The following KIF3C variants were observed in gnomAD, a reference collection of about 807,000 sequenced individuals.
KIF3C encodes kinesin-like protein KIF3C.
KIF3C carries 12 observed loss-of-function variants against 67.7 expected under a neutral mutation model. The observed-to-expected ratio is 0.18, with a 90% confidence interval of 0.11 to 0.29. The LOEUF (loss-of-function observed/expected upper bound fraction) is 0.29. Ranked by LOEUF, KIF3C falls within the 10% of genes least tolerant of loss-of-function variation. The pLI, the probability that KIF3C is intolerant of heterozygous loss-of-function variation, is 1.00. For synonymous variants in KIF3C, 393 were observed against 426.2 expected (o/e 0.92, Z 0.96); for missense variants, 789 against 1,059.6 (o/e 0.74, Z 3.55).
chr2:25,956,200 G>C (rs1172638511), intron 2 of KIF3C, 143 bp downstream of exon 2: 3 of 674,940 alleles, frequency 4.4e-6, no homozygotes, highest in East Asian at 2.7e-5. Flanking sequence ...TAGTAGACCT[G>C]TGGGACCCAG....
intron 5 of KIF3C, among the ~76,000 whole-genome samples, chr2:25,936,379 A>G (rs113900483): frequency 7.8e-4 from 118 of 152,234 alleles, no homozygotes; most frequent in Middle Eastern, 3.4e-3. Context: ...CTGCTTAGGA[A>G]AAAGTCTAGA....
intron 1 of KIF3C, among the ~76,000 whole-genome samples, chr2:25,957,191 G>A (rs993863491): frequency 2.0e-5 from 3 of 152,164 alleles, no homozygotes; most frequent in Admixed American, 2.0e-4. Context: ...CCCCCCCTAA[G>A]AGGGACTATT....
At chr2:25,970,320 G>A (rs919313200) in intron 1 of KIF3C, among the ~76,000 whole-genome samples, 3 of 152,162 alleles carry the variant, frequency 2.0e-5, no homozygotes, top group Admixed American at 2.0e-4. Context: ...CTAGTCAGAT[G>A]AAGATTCACG....
chr2:25,950,727 T>G (rs921416135), intron 5 of KIF3C, among the ~76,000 whole-genome samples: 2 of 152,094 alleles, frequency 1.3e-5, no homozygotes, highest in Non-Finnish European at 2.9e-5. Flanking sequence ...ACAGCTGATG[T>G]ACTATTGAGA....
At chr2:25,971,265 C>CT (rs1224610454) in intron 1 of KIF3C, among the ~76,000 whole-genome samples, 3 of 135,674 alleles carry the variant, frequency 2.2e-5, no homozygotes, top group Admixed American at 1.5e-4. Flanking sequence ...GAGCAAGACT[C>CT]TGTCTCAAAA....
At chr2:25,963,073 TACAC>T (rs1363007063) in intron 1 of KIF3C, among the ~76,000 whole-genome samples, 2 of 93,720 alleles carry the variant, frequency 2.1e-5, no homozygotes, top group African/African-American at 8.2e-5. Flanking sequence ...TATACACACA[TACAC>T]ACACATATAT....
chr2:25,958,813 G>A lies in KIF3C; in HGVS notation c.1546-2369C>T, dbSNP rs934015526. On this transcript the variant is annotated intron_variant, in intron 1 of 7. Transcript: ENST00000264712. The surrounding 1 kb of genome is among the most constrained non-coding windows in gnomAD (Gnocchi z 4.5). ...CTGGGGGCCCGGTGCGGTGGCTAGC[G>A]CCTGTAATCCCGGCACTTTGGGAGG... Among the ~76,000 whole-genome samples, 3 of 152,084 alleles carry A rather than the reference G, an allele frequency of 2.0e-5. No individual in the cohort carries two copies. Among genetic ancestry groups the A allele is most frequent in the African/African-American group, 7.2e-5 (3 of 41,444 alleles).
intron 1 of KIF3C, among the ~76,000 whole-genome samples, chr2:25,969,112 C>A (rs991294871): frequency 9.9e-5 from 15 of 152,206 alleles, no homozygotes; most frequent in Admixed American, 9.8e-4. Flanking sequence ...GCGTGAGCCA[C>A]CGCGTCCGGT....
At chr2:25,949,430 GA>G (rs527501654) in intron 5 of KIF3C, among the ~76,000 whole-genome samples, 2 of 150,824 alleles carry the variant, frequency 1.3e-5, no homozygotes, top group Admixed American at 6.6e-5. Flanking sequence ...CAAAAAAAAA[GA>G]AAAAAAAATT....
intron 1 of KIF3C, among the ~76,000 whole-genome samples, chr2:25,978,151 G>A (rs1467026783): frequency 6.6e-6 from 1 of 152,120 alleles, no homozygotes; most frequent in African/African-American, 2.4e-5. Context: ...AGATGCCTTG[G>A]AAAGAGCACA....
intron 4 of KIF3C, among the ~76,000 whole-genome samples, chr2:25,952,555 A>ATATATATATATT (rs1663648485): frequency 1.1e-5 from 1 of 92,066 alleles, no homozygotes; most frequent in Non-Finnish European, 2.0e-5. Flanking sequence ...GTGTGTATAT[A>ATATATATATATT]TATATATATT....
intron 5 of KIF3C, among the ~76,000 whole-genome samples, chr2:25,942,929 T>C (rs1291716118): frequency 6.6e-6 from 1 of 152,166 alleles, no homozygotes; most frequent in African/African-American, 2.4e-5. Flanking sequence ...GTGGGATGGA[T>C]GCTTAGAGCT....
chr2:25,969,560 TGA>T (rs1341848027), intron 1 of KIF3C, among the ~76,000 whole-genome samples: 1 of 152,098 alleles, frequency 6.6e-6, no homozygotes, highest in Non-Finnish European at 1.5e-5. Flanking sequence ...AGGTATAAAG[TGA>T]AAAATAAAAA....
At chr2:25,963,592 T>C (rs534957071) in intron 1 of KIF3C, among the ~76,000 whole-genome samples, 21 of 152,000 alleles carry the variant, frequency 1.4e-4, no homozygotes, top group East Asian at 1.2e-3. Context: ...TTGTCAATTA[T>C]CATTCTAATG....
intron 1 of KIF3C, among the ~76,000 whole-genome samples, chr2:25,975,967 A>C (rs924008178): frequency 5.3e-5 from 8 of 152,242 alleles, no homozygotes; most frequent in African/African-American, 1.7e-4. Context: ...CAAAAAAAAA[A>C]CAAGAACAAT....
intron 1 of KIF3C, among the ~76,000 whole-genome samples, chr2:25,967,878 T>C (rs2149240644): frequency 6.6e-6 from 1 of 152,170 alleles, no homozygotes; most frequent in Non-Finnish European, 1.5e-5. Context: ...CCAGCGAGTT[T>C]GAGAATAGAT....
chr2:25,977,028 C>A (rs998716419), intron 1 of KIF3C, among the ~76,000 whole-genome samples: 1 of 152,032 alleles, frequency 6.6e-6, no homozygotes, highest in Admixed American at 6.6e-5. Context: ...GCATTTCCCG[C>A]CCACACCCTC....
Position 25,960,350 on chromosome 2 carries a change from G to A in KIF3C, c.1546-3906C>T, listed in dbSNP as rs1034109883. On this transcript the variant is annotated intron_variant, in intron 1 of 7. Coordinates refer to ENST00000264712, the MANE Select transcript of KIF3C (RefSeq NM_002254.8). ...ACATAAATGTCTGAAAAGGACTGGT[G>A]TAAGGGGCATGCATATTATTAGCAC... Among the ~76,000 whole-genome samples, 18 of 152,198 alleles carry A rather than the reference G, an allele frequency of 1.2e-4. 1 individual carries two copies. The highest frequency in any genetic ancestry group is 2.2e-4 in the Non-Finnish European group (15 of 68,036).
At chr2:25,954,200 G>C (rs1663736095) in intron 4 of KIF3C, 67 bp downstream of exon 4, 2 of 1,122,854 alleles carry the variant, frequency 1.8e-6, no homozygotes, top group South Asian at 2.5e-5. Context: ...AGGCCTTAGG[G>C]GAGGAGAGGC....
Sources: allele counts gnomAD v4.1 joint callset (sites outside exome capture counted in the v4.1 genomes callset), GRCh38; gene constraint gnomAD v4.1.1; non-coding constraint Gnocchi (gnomAD v3.1); transcripts MANE v1.5; gene names NCBI Gene and HGNC (gene_info 2026-07-23, HGNC 2026-07-21).